Variants in SIK3 observed in about 807,000 individuals in gnomAD.
SIK3 encodes the protein SIK family kinase 3, also known as serine/threonine-protein kinase SIK3.
Under a neutral mutation model 144.2 loss-of-function variants are expected in SIK3, and 28 were observed. The observed-to-expected ratio is 0.19, with a 90% CI of 0.14 to 0.27. The LOEUF is 0.27. Among genes scored for constraint, SIK3 ranks in the 10% least tolerant of loss-of-function variants. SIK3 has a pLI of 1.00. For missense variants in SIK3, 1,319 were observed against 1,776.0 expected (o/e 0.74, Z 4.62); for synonymous variants, 686 against 676.3 (o/e 1.01, Z -0.22).
intron 3 of SIK3, among the ~76,000 whole-genome samples, chr11:116,933,151 T>C (rs944516883): frequency 2.0e-5 from 3 of 151,662 alleles, no homozygotes; most frequent in Admixed American, 2.0e-4. Context: ...TTTTTTTTTT[T>C]TTCTTTTTTG....
chr11:116,971,614 G>C lies in SIK3; in HGVS notation c.274-14550C>G, dbSNP rs1241693956. Among the ~76,000 whole-genome samples, 4 of 152,058 alleles carry C rather than the reference G, an allele frequency of 2.6e-5. No homozygotes were observed. In the East Asian group the frequency reaches 7.7e-4, roughly 29 times the overall value. On this transcript the variant is annotated intron_variant, in intron 1 of 24. Coordinates refer to ENST00000445177, the MANE Select transcript of SIK3 (RefSeq NM_001366686.3). ...AAAGTAGACAATAAAATAATTCAAA[G>C]CATCAATCAGCTTCAAGAATTATTA...
intron 1 of SIK3, chr11:117,036,186 G>T: frequency 2.2e-6 from 1 of 449,200 alleles, no homozygotes; most frequent in Non-Finnish European, 3.9e-6. Flanking sequence ...CTCCCAAAAT[G>T]TTGGGATTGC....
At chr11:116,984,612 T>C (rs1308665085) in intron 1 of SIK3, among the ~76,000 whole-genome samples, 1 of 152,144 alleles carries the variant, frequency 6.6e-6, no homozygotes, top group Non-Finnish European at 1.5e-5. Context: ...TGATTTGGAT[T>C]TGCTAACTTA....
intron 13 of SIK3, among the ~76,000 whole-genome samples, chr11:116,871,618 A>G (rs1288607364): frequency 6.6e-6 from 1 of 152,228 alleles, no homozygotes; most frequent in Non-Finnish European, 1.5e-5. Context: ...CTGGAAGCAA[A>G]GAAGTCAGTT....
intron 14 of SIK3, chr11:116,868,832 C>T (rs988601828): frequency 5.3e-5 from 8 of 152,318 alleles, no homozygotes; most frequent in Admixed American, 4.6e-4. Flanking sequence ...GAAGATCTTT[C>T]AGACCCAGCA....
intron 1 of SIK3, among the ~76,000 whole-genome samples, chr11:116,963,859 T>A (rs533179960): frequency 1.6e-4 from 24 of 152,224 alleles, no homozygotes; most frequent in South Asian, 4.1e-4. Flanking sequence ...AACATTTTTA[T>A]TTAAAATTTA....
In SIK3 at chr11:117,060,912, C is replaced by T. The variant is rs78184860; in HGVS notation, c.273+37231G>A. ...GATAATGGGATATGTGGGATTTCTCCGTACTTTCTGCTCAACTTTTCTGTA... is the reference window on the plus strand; with the variant it reads ...GATAATGGGATATGTGGGATTTCTCTGTACTTTCTGCTCAACTTTTCTGTA... On this transcript the variant is annotated intron_variant, in intron 1 of 24. Transcript: ENST00000445177. Among the ~76,000 whole-genome samples, 183 of 152,194 alleles carry T rather than the reference C, an allele frequency of 1.2e-3. 1 individual carries two copies. The highest frequency in any genetic ancestry group is 3.9e-3 in the African/African-American group (163 of 41,532).
chr11:116,915,174 T>C (rs1946565249), intron 4 of SIK3, among the ~76,000 whole-genome samples: 1 of 124,200 alleles, frequency 8.1e-6, no homozygotes, highest in Admixed American at 7.6e-5. Flanking sequence ...GTGTATTTTT[T>C]CTTTTTGATG....
At chr11:116,866,633 G>T (rs1359747013) in intron 15 of SIK3, among the ~76,000 whole-genome samples, 1 of 152,090 alleles carries the variant, frequency 6.6e-6, no homozygotes, top group East Asian at 1.9e-4. Context: ...GTAGAGATGG[G>T]GTTTCACCAT....
chr11:116,988,160 A>G (rs1950382641), intron 1 of SIK3, among the ~76,000 whole-genome samples: 1 of 152,210 alleles, frequency 6.6e-6, no homozygotes, highest in African/African-American at 2.4e-5. Flanking sequence ...TGGGAGGCCA[A>G]GGCAGGTGGA....
At chr11:116,944,871 C>G (rs1268235682) in intron 3 of SIK3, among the ~76,000 whole-genome samples, 2 of 152,092 alleles carry the variant, frequency 1.3e-5, no homozygotes, top group Non-Finnish European at 2.9e-5. Context: ...TCACAGCTGG[C>G]CTAAAACTTT....
At chr11:116,883,698 C>G (rs1591462347) in intron 6 of SIK3, among the ~76,000 whole-genome samples, 1 of 152,198 alleles carries the variant, frequency 6.6e-6, no homozygotes, top group African/African-American at 2.4e-5. Context: ...CTCTGGGAGC[C>G]CGAGACAGGC....
intron 3 of SIK3, among the ~76,000 whole-genome samples, chr11:116,943,235 G>GA (rs1358920084): frequency 7.2e-5 from 11 of 151,978 alleles, no homozygotes; most frequent in South Asian, 6.2e-4. Flanking sequence ...TCAAAGTGAA[G>GA]AAAAAAAGGT....
At chr11:116,870,169 G>A in intron 14 of SIK3, 162 bp downstream of exon 14, 1 of 1,537,846 alleles carries the variant, frequency 6.5e-7, no homozygotes, top group East Asian at 2.5e-5. Flanking sequence ...GTAGTCTTCT[G>A]TTACTTCCAT....
chr11:117,087,933 A>C (rs1483112869), intron 1 of SIK3, among the ~76,000 whole-genome samples: 3 of 152,216 alleles, frequency 2.0e-5, no homozygotes, highest in Non-Finnish European at 4.4e-5. Flanking sequence ...GTTATGGTAA[A>C]GTAAAACTGA....
intron 1 of SIK3, among the ~76,000 whole-genome samples, chr11:117,056,045 T>C (rs144463222): frequency 1.8e-3 from 275 of 152,280 alleles, no homozygotes; most frequent in African/African-American, 6.4e-3. Flanking sequence ...ACCAAAGCTC[T>C]ATCAGTTTGG....
At chr11:117,067,758 G>A (rs750966370) in intron 1 of SIK3, among the ~76,000 whole-genome samples, 11 of 152,018 alleles carry the variant, frequency 7.2e-5, no homozygotes, top group Non-Finnish European at 1.3e-4. Context: ...AGGCCAAGGC[G>A]GGAGGATCAC....
At chr11:117,026,863 AC>A (rs1263090768) in intron 1 of SIK3, among the ~76,000 whole-genome samples, 1 of 152,182 alleles carries the variant, frequency 6.6e-6, no homozygotes, top group Non-Finnish European at 1.5e-5. Flanking sequence ...CAAGGCAAAA[AC>A]AGTGAAATTA....
intron 1 of SIK3, among the ~76,000 whole-genome samples, chr11:117,064,573 G>C (rs909440655): frequency 6.6e-6 from 1 of 152,112 alleles, no homozygotes; most frequent in African/African-American, 2.4e-5. Flanking sequence ...TACAATTTTA[G>C]CATATTATCT....
Sources: allele counts gnomAD v4.1 joint callset (sites outside exome capture counted in the v4.1 genomes callset), GRCh38; gene constraint gnomAD v4.1.1; transcripts MANE v1.5; gene names NCBI Gene and HGNC (gene_info 2026-07-23, HGNC 2026-07-21).